Variants in PTBP2 observed in about 807,000 individuals in gnomAD.
PTBP2 encodes the protein polypyrimidine tract binding protein 2, also known as polypyrimidine tract-binding protein 2.
In PTBP2, 13 loss-of-function variants were observed where a neutral mutation model predicts 61.4. The observed-to-expected ratio is 0.21, with a 90% CI of 0.14 to 0.34. The LOEUF is 0.34. PTBP2 is among the 10% of genes least tolerant of loss of function. The pLI is 1.00. For missense variants in PTBP2, 405 were observed against 642.6 expected (o/e 0.63, Z 4.00); for synonymous variants, 215 against 218.5 (o/e 0.98, Z 0.14).
downstream of PTBP2, chr1:96,818,904 TC>T (rs1408647737): frequency 1.3e-5 from 2 of 152,002 alleles, no homozygotes; most frequent in African/African-American, 2.4e-5. Context: ...AGAATCCAAG[TC>T]CCTGGCTTTC....
intron 8 of PTBP2, among the ~76,000 whole-genome samples, chr1:96,792,761 T>C (rs1214678951): frequency 5.9e-5 from 9 of 152,200 alleles, no homozygotes; most frequent in African/African-American, 2.2e-4. Flanking sequence ...TGAACTTATA[T>C]TTTTATCTTT....
At position 96,814,868 on chromosome 1, in the gene PTBP2, C is replaced by CT. The variant is rs927860676; in HGVS notation, c.*1465dup. 3.9e-5 allele frequency: 6 copies of CT among 152,500 alleles called. No individual in the cohort carries two copies. The highest frequency in any genetic ancestry group is 5.9e-5 in the Non-Finnish European group (4 of 67,986). 9.4% of individuals were successfully genotyped at this position (152,500 alleles called of 1,614,324 possible). ...ACCCCTGTAGCATGCTCAATAAACA[C>CT]TTCTGTAGCTCTATATTCACCTTTT... On this transcript the variant is annotated 3_prime_UTR_variant, in exon 14 of 14. Transcript: ENST00000674951.
intron 11 of PTBP2, among the ~76,000 whole-genome samples, chr1:96,811,102 T>C (rs988593209): frequency 2.0e-5 from 3 of 151,924 alleles, no homozygotes; most frequent in Non-Finnish European, 4.4e-5. Context: ...GTAAGTTCAA[T>C]GGCTAGTGGT....
At chr1:96,748,078 C>T (rs561930513) in intron 2 of PTBP2, among the ~76,000 whole-genome samples, 1 of 152,166 alleles carries the variant, frequency 6.6e-6, no homozygotes, top group South Asian at 2.1e-4. Flanking sequence ...TGGGTACGTA[C>T]CTTTCTTCCT....
intron 3 of PTBP2, among the ~76,000 whole-genome samples, chr1:96,758,958 T>C (rs1056472546): frequency 5.3e-5 from 8 of 152,174 alleles, no homozygotes; most frequent in African/African-American, 1.4e-4. Flanking sequence ...AGAATAATTA[T>C]AGGATACAAG....
chr1:96,798,537 A>C (rs1660625795), intron 8 of PTBP2, among the ~76,000 whole-genome samples: 1 of 152,196 alleles, frequency 6.6e-6, no homozygotes, highest in Non-Finnish European at 1.5e-5. Flanking sequence ...GAAATCATAA[A>C]TTACTTTGGA....
intron 3 of PTBP2, among the ~76,000 whole-genome samples, chr1:96,766,090 ATGT>A (rs1656674347): frequency 2.0e-5 from 3 of 152,150 alleles, no homozygotes; most frequent in African/African-American, 7.2e-5. Flanking sequence ...GAGAAAAGTG[ATGT>A]ACTGATCAGA....
intron 2 of PTBP2, among the ~76,000 whole-genome samples, chr1:96,744,347 G>A (rs1653460875): frequency 6.6e-6 from 1 of 152,100 alleles, no homozygotes; most frequent in African/African-American, 2.4e-5. Context: ...CTCAGTTAAT[G>A]TTTGAATTTT....
intron 3 of PTBP2, among the ~76,000 whole-genome samples, chr1:96,756,262 G>A (rs1394585057): frequency 6.6e-6 from 1 of 152,180 alleles, no homozygotes; most frequent in African/African-American, 2.4e-5. Flanking sequence ...AGCTAGGCGT[G>A]GTGGTGCATG....
intron 10 of PTBP2, 21 bp from the exon 11 acceptor site, chr1:96,806,845 C>G: frequency 6.3e-7 from 1 of 1,583,210 alleles, no homozygotes; most frequent in Non-Finnish European, 8.6e-7. Context: ...TTTGGATTAC[C>G]TCTCTGTGGC....
intron 2 of PTBP2, among the ~76,000 whole-genome samples, chr1:96,725,544 C>T (rs1295283587): frequency 1.3e-5 from 2 of 151,706 alleles, no homozygotes; most frequent in Non-Finnish European, 2.9e-5. Flanking sequence ...TGTGGTTACA[C>T]CAGTTTTTTG....
intron 3 of PTBP2, among the ~76,000 whole-genome samples, chr1:96,760,025 C>G (rs116024428): frequency 1.3e-5 from 2 of 152,232 alleles, no homozygotes; most frequent in East Asian, 1.9e-4. Flanking sequence ...TTCACTGTCA[C>G]GAGAACAGCA....
intron 2 of PTBP2, among the ~76,000 whole-genome samples, chr1:96,739,149 C>G (rs1652633932): frequency 6.6e-6 from 1 of 151,858 alleles, no homozygotes; most frequent in Non-Finnish European, 1.5e-5. Flanking sequence ...TTTTGTAATT[C>G]TTTATATATT....
intron 3 of PTBP2, among the ~76,000 whole-genome samples, chr1:96,765,682 G>T (rs2100991913): frequency 6.6e-6 from 1 of 151,036 alleles, no homozygotes; most frequent in South Asian, 2.1e-4. Flanking sequence ...CTGCACTCCA[G>T]CCTGGCAATA....
intron 2 of PTBP2, among the ~76,000 whole-genome samples, chr1:96,729,535 G>A (rs1440539198): frequency 1.3e-5 from 2 of 152,066 alleles, no homozygotes; most frequent in Non-Finnish European, 2.9e-5. Flanking sequence ...CAGTTCACTA[G>A]TGAAGCCATG....
At chr1:96,762,877 G>A (rs894948898) in intron 3 of PTBP2, among the ~76,000 whole-genome samples, 5 of 151,452 alleles carry the variant, frequency 3.3e-5, no homozygotes, top group African/African-American at 9.7e-5. Context: ...CGGCCGGGCC[G>A]AGACGCTCCT....
intron 2 of PTBP2, among the ~76,000 whole-genome samples, chr1:96,731,938 A>C (rs1174860270): frequency 6.6e-6 from 1 of 152,170 alleles, no homozygotes; most frequent in Non-Finnish European, 1.5e-5. Flanking sequence ...ATGACTGTAG[A>C]ATAATTCAGG....
chr1:96,808,213 G>A (rs1043790910), intron 11 of PTBP2, among the ~76,000 whole-genome samples: 2 of 151,804 alleles, frequency 1.3e-5, no homozygotes, highest in Non-Finnish European at 2.9e-5. Context: ...TGCCATGCTC[G>A]TAGTCTGCTT....
intron 8 of PTBP2, among the ~76,000 whole-genome samples, chr1:96,799,646 G>A (rs1313198438): frequency 6.6e-6 from 1 of 152,130 alleles, no homozygotes; most frequent in Non-Finnish European, 1.5e-5. Context: ...TATAATTTAT[G>A]TAGCTAAAAG....
Sources: allele counts gnomAD v4.1 joint callset (sites outside exome capture counted in the v4.1 genomes callset), GRCh38; gene constraint gnomAD v4.1.1; transcripts MANE v1.5; gene names NCBI Gene and HGNC (gene_info 2026-07-23, HGNC 2026-07-21).